The following BRPF1 variants were observed in gnomAD, a reference collection of about 807,000 sequenced individuals.
The protein encoded by BRPF1 is bromodomain and PHD finger containing 1, also known as peregrin.
In BRPF1, 15 loss-of-function variants were observed where a neutral mutation model predicts 115.0. The ratio of observed to expected loss-of-function variants is 0.13; its 90% CI spans 0.09 to 0.20. BRPF1 has a LOEUF of 0.20. Ranked by LOEUF, BRPF1 falls within the 10% of genes least tolerant of loss-of-function variation. The pLI is 1.00. For missense variants in BRPF1, 1,118 were observed against 1,638.3 expected, an observed-to-expected ratio of 0.68 and a Z score of 5.48; for synonymous variants, 647 against 619.8, an observed-to-expected ratio of 1.04 and a Z score of -0.65.
chr3:9,738,248 A>T (rs2076973654), intron 2 of BRPF1, among the ~76,000 whole-genome samples: 3 of 152,100 alleles, frequency 2.0e-5, no homozygotes, highest in Admixed American at 2.0e-4. Flanking sequence ...TTGTTATGTG[A>T]CCTATCTATG....
intron 2 of BRPF1, among the ~76,000 whole-genome samples, chr3:9,738,508 G>A (rs766940352): frequency 6.6e-6 from 1 of 152,222 alleles, no homozygotes; most frequent in Non-Finnish European, 1.5e-5. Flanking sequence ...ATCCATGGCA[G>A]CTCTAGTCGA....
rs770709359 is a variant in BRPF1 at position 9,740,911 on chromosome 3, G to A, written c.1692G>A (p.Leu564=). The A allele has an allele frequency of 6.2e-7, 1 of 1,613,290 alleles. No individual in the cohort carries two copies. The highest frequency in any genetic ancestry group is 1.7e-5 in the Admixed American group (1 of 60,010). The change falls in exon 4 of 14, where the codon CTG becomes CTA. Residue 564 remains leucine, a synonymous_variant. Transcript: ENST00000383829. The part of the protein sequence containing the change: ...VPLLRRLQTH[L]QSQRNCDQVG... Reference sequence around the variant, plus strand: ...TGCTACGTCGCCTGCAGACACACCTGCAATCTCAGAGGAACTGTGACCAAG... The same window carrying A: ...TGCTACGTCGCCTGCAGACACACCTACAATCTCAGAGGAACTGTGACCAAG...
chr3:9,739,910 A>C lies in BRPF1; in HGVS notation c.1511A>C (p.Lys504Thr), dbSNP rs752949724. The change falls in exon 3 of 14, where the codon AAG becomes ACG. Residue 504 changes from lysine to threonine, a missense_variant. Physicochemically the swap from Lys to Thr is moderately conservative, Grantham distance 78. Transcript: ENST00000383829. ...MKKARKILAE[K>T]RAAAPVVSVP... ...AAGGCACGGAAGATCCTGGCAGAGA[A>C]GCGGGCAGCAGCACCTGTGGTGTCA... 2 of 1,581,328 alleles carry C rather than the reference A, an allele frequency of 1.3e-6. No homozygotes were observed. The highest frequency in any genetic ancestry group is 1.7e-6 in the Non-Finnish European group (2 of 1,164,002).
rs1446813827 is a variant in BRPF1 at position 9,745,321 on chromosome 3, A to G, written c.3068+166A>G. Among the ~76,000 whole-genome samples, 1 of 152,258 alleles carries G rather than the reference A, an allele frequency of 6.6e-6. No homozygotes were observed. Among genetic ancestry groups the G allele is most frequent in the Non-Finnish European group, 1.5e-5 (1 of 68,048 alleles). On this transcript the variant is annotated intron_variant, in intron 10 of 13. Transcript: ENST00000383829. The surrounding 1 kb of genome is among the most constrained non-coding windows in gnomAD (Gnocchi z 5.1). ...AATAAATAAATCAGTGTTACCATTAATAGAACAGAGAGAACCATCCTGGAT... is the reference window on the plus strand; with the variant it reads ...AATAAATAAATCAGTGTTACCATTAGTAGAACAGAGAGAACCATCCTGGAT...
rs367638863 is a variant in BRPF1, at chr3:9,745,870, G to A, written c.3264G>A (p.Pro1088=). 1.3e-5 allele frequency: 21 copies of A among 1,614,130 alleles called. No individual in the cohort carries two copies. Among genetic ancestry groups the A allele is most frequent in the Admixed American group, 3.3e-5 (2 of 60,018 alleles). ...AGWLSEDEDS[P]LDALDLVWAK... ...GGCTGTCAGAGGATGAGGACTCCCC[G>A]CTGGATGCTCTGGACCTCGTGTGGG... is the stretch of plus-strand genomic sequence containing the variant. The change falls in exon 12 of 14, where the codon CCG becomes CCA. Residue 1088 remains proline, a synonymous_variant. Transcript: ENST00000383829. This position sits in a 1 kb window ranked among gnomAD's most constrained non-coding sequence, Gnocchi z 5.1.
rs2077069101 is a variant in BRPF1, at chr3:9,743,604, C to T, written c.2338C>T (p.Leu780=). 6.2e-7 allele frequency: 1 copy of T among 1,613,128 alleles called. No individual in the cohort carries two copies. Among genetic ancestry groups the T allele is most frequent in the African/African-American group, 1.3e-5 (1 of 75,064 alleles). ...DAAEEERLVL[L]ENQKHLPVEE... ...AGCCGAGGAAGAGCGGCTGGTCTTG[C>T]TGGAGAACCAGAAGCACCTGCCAGT... Residue 780 remains leucine, a synonymous_variant, in exon 8 of 14, where the codon CTG becomes TTG. Coordinates refer to ENST00000383829, the MANE Select transcript of BRPF1 (RefSeq NM_001003694.2). The surrounding 1 kb of genome is among the most constrained non-coding windows in gnomAD (Gnocchi z 6.1).
At position 9,744,226 on chromosome 3, in the gene BRPF1, C is replaced by G; in HGVS notation, c.2638C>G (p.Leu880Val). ...CCTTCTTTCTTTCTCTGCTCCAGGC[C>G]TGGGTCCCAACATGTCCTCAACCCC... ...ESSSQETSKGLGPNMSSTPAH... is the reference protein window; with the variant it reads ...ESSSQETSKGVGPNMSSTPAH... Residue 880 changes from leucine (L) to valine (V), a missense_variant and splice_region_variant, in exon 9 of 14, where the codon CTG (leucine) becomes GTG (valine). Leu to Val is a conservative substitution (Grantham distance 32). Around this residue, in one of 10 missense-constraint regions of BRPF1, gnomAD observed 223 missense variants for 240.7 expected, o/e 0.93. Coordinates refer to ENST00000383829, the MANE Select transcript of BRPF1 (RefSeq NM_001003694.2). 1 of 1,530,554 alleles carries G rather than the reference C, an allele frequency of 6.5e-7. No homozygotes were observed. The highest frequency in any genetic ancestry group is 2.3e-5 in the East Asian group (1 of 43,676). 94.8% of individuals were successfully genotyped at this position (1,530,554 alleles called of 1,614,324 possible). A position where few individuals can be genotyped will look rare whatever the true frequency, so the allele number is the denominator to read the frequency against.
intron 1 of BRPF1, chr3:9,732,799 G>A (rs2076876880): frequency 6.6e-6 from 1 of 152,304 alleles, no homozygotes; most frequent in African/African-American, 2.4e-5. Context: ...CACAGGTGGA[G>A]AGGCCAAGAG....
Position 9,741,293 on chromosome 3 carries a change from G to A in BRPF1, c.1723-15G>A, listed in dbSNP as rs143618434. 128 of 1,549,380 alleles carry A rather than the reference G, an allele frequency of 8.3e-5. No homozygotes were observed. In the East Asian group the frequency reaches 2.4e-3, roughly 29 times the overall value. Reference sequence around the variant, plus strand: ...GCTTTCTAATCATCCTCTGATCTTCGTTTTGCCTCTACAGAGAGATTCTGA... The same window carrying A: ...GCTTTCTAATCATCCTCTGATCTTCATTTTGCCTCTACAGAGAGATTCTGA... On this transcript the variant is annotated splice_polypyrimidine_tract_variant and intron_variant, in intron 4 of 13. Coordinates refer to ENST00000383829, the MANE Select transcript of BRPF1 (RefSeq NM_001003694.2).
chr3:9,738,522 C>A (rs1056475948), intron 2 of BRPF1, among the ~76,000 whole-genome samples: 1 of 152,202 alleles, frequency 6.6e-6, no homozygotes, highest in African/African-American at 2.4e-5. Flanking sequence ...TAGTCGAGGC[C>A]CTGCCCACCA....
chr3:9,739,258 A>G lies in BRPF1; in HGVS notation c.859A>G (p.Ser287Gly). ...CTGCAATGATGGTGAGTGCCAGAACAGCAATGTCATCCTCTTCTGTGACAT... is the reference window on the plus strand; with the variant it reads ...CTGCAATGATGGTGAGTGCCAGAACGGCAATGTCATCCTCTTCTGTGACAT... ...CICNDGECQN[S>G]NVILFCDMCN... Residue 287 changes from serine to glycine, a missense_variant, in exon 3 of 14, where the codon AGC becomes GGC. By Grantham distance (56) the Ser-to-Gly change is moderately conservative. Around this residue, in one of 10 missense-constraint regions of BRPF1, gnomAD observed 280 missense variants for 382.8 expected, o/e 0.73. Transcript: ENST00000383829. 6.2e-7 allele frequency: 1 copy of G among 1,612,782 alleles called. No homozygotes were observed. The highest frequency in any genetic ancestry group is 8.5e-7 in the Non-Finnish European group (1 of 1,178,852).
intron 6 of BRPF1, 32 bp downstream of exon 6, chr3:9,742,203 C>G: frequency 1.2e-6 from 2 of 1,610,090 alleles, no homozygotes; most frequent in Middle Eastern, 1.7e-4. Flanking sequence ...TCCACCTTCT[C>G]TCTGTTCCTC....
intron 2 of BRPF1, 50 bp from the exon 3 acceptor site, chr3:9,738,949 G>A (rs2076985280): frequency 6.6e-7 from 1 of 1,509,108 alleles, no homozygotes; most frequent in Non-Finnish European, 8.9e-7. Context: ...TCATCTTTAA[G>A]GGAGGGAAAT....
intron 1 of BRPF1, among the ~76,000 whole-genome samples, chr3:9,733,657 A>G (rs2076892897): frequency 1.3e-5 from 2 of 152,236 alleles, no homozygotes; most frequent in Admixed American, 1.3e-4. Context: ...AATAGGGATC[A>G]TTTTGCAGGA....
At chr3:9,733,556 G>A (rs186988236) in intron 1 of BRPF1, among the ~76,000 whole-genome samples, 1 of 152,348 alleles carries the variant, frequency 6.6e-6, no homozygotes, top group Admixed American at 6.5e-5. Flanking sequence ...CCATGGGAGA[G>A]TCAGAGAAGT....
rs2077064152 is a variant in BRPF1, at chr3:9,743,372, A to G, written c.2311+119A>G. The stretch of plus-strand genomic sequence containing the variant: ...AAAGCAGCTAGGCTGAGCAGTGGCA[A>G]GCTATCCCCAGGAATGCTCCCCAAG... On this transcript the variant is annotated intron_variant, in intron 7 of 13. Transcript: ENST00000383829. This position sits in a 1 kb window ranked among gnomAD's most constrained non-coding sequence, Gnocchi z 6.1. 7.3e-7 allele frequency: 1 copy of G among 1,372,174 alleles called. No homozygotes were observed. The allele number at this position is 1,372,174 out of a possible 1,614,324, so 85.0% of individuals were successfully genotyped here.
chr3:9,742,782 C>T (rs2077053056), intron 6 of BRPF1, among the ~76,000 whole-genome samples, 162 bp from the exon 7 acceptor site: 1 of 152,138 alleles, frequency 6.6e-6, no homozygotes, highest in Non-Finnish European at 1.5e-5. Flanking sequence ...CTGGTAAAGT[C>T]AGGACCAGAA....
At chr3:9,740,710 C>T (rs1461044228) in intron 3 of BRPF1, 69 bp from the exon 4 acceptor site, 25 of 1,572,062 alleles carry the variant, frequency 1.6e-5, no homozygotes, top group Non-Finnish European at 2.1e-5. Context: ...TTTCACTGGC[C>T]AGAGACCCTT....
intron 1 of BRPF1, chr3:9,732,347 T>C (rs1426263637): frequency 3.9e-5 from 6 of 152,262 alleles, no homozygotes. Flanking sequence ...GGGAGCCTTG[T>C]TTCACTTGTT....
Sources: allele counts gnomAD v4.1 joint callset (sites outside exome capture counted in the v4.1 genomes callset), GRCh38; gene constraint gnomAD v4.1.1; regional missense constraint gnomAD v4.1.1; non-coding constraint Gnocchi (gnomAD v3.1); transcripts MANE v1.5; gene names NCBI Gene and HGNC (gene_info 2026-07-23, HGNC 2026-07-21).